The following ZDHHC14 variants were observed in gnomAD, a reference collection of about 807,000 sequenced individuals.
ZDHHC14 encodes the protein palmitoyltransferase ZDHHC14.
A neutral mutation model predicts 47.7 loss-of-function variants in ZDHHC14; 16 were observed. The ratio of observed to expected loss-of-function variants is 0.34; its 90% CI spans 0.23 to 0.51. ZDHHC14 has a LOEUF of 0.51. Ranked by LOEUF, ZDHHC14 falls within the 20% of genes least tolerant of loss-of-function variation. ZDHHC14 has a pLI of 0.97. For synonymous variants in ZDHHC14, 293 were observed against 278.9 expected, an observed-to-expected ratio of 1.05 and a Z score of -0.50; for missense variants, 515 against 662.5, an observed-to-expected ratio of 0.78 and a Z score of 2.44.
rs987306919 is a variant in ZDHHC14, at chr6:157,463,686, C to T, written c.246-78899C>T. ...TCAAGCTAAGCAGATGGTGCTGGCA[C>T]TTCGTCCCAATGTCTCCCCGCTTTA... is the stretch of plus-strand genomic sequence containing the variant. On this transcript the variant is annotated intron_variant, in intron 1 of 8. Coordinates refer to ENST00000359775, the MANE Select transcript of ZDHHC14 (RefSeq NM_024630.3). This position sits in a 1 kb window ranked among gnomAD's most constrained non-coding sequence, Gnocchi z 4.4. Among the ~76,000 whole-genome samples the T allele has an allele frequency of 6.6e-6, 1 of 152,206 alleles. No homozygotes were observed. Among genetic ancestry groups the T allele is most frequent in the African/African-American group, 2.4e-5 (1 of 41,444 alleles).
chr6:157,489,305 A>G (rs1400190923), intron 1 of ZDHHC14, among the ~76,000 whole-genome samples: 2 of 152,216 alleles, frequency 1.3e-5, no homozygotes, highest in Non-Finnish European at 2.9e-5. Context: ...CTCATGCGCA[A>G]TCACTTCCTT....
intron 7 of ZDHHC14, among the ~76,000 whole-genome samples, chr6:157,651,997 C>T (rs1042162610): frequency 6.6e-6 from 1 of 152,226 alleles, no homozygotes; most frequent in Non-Finnish European, 1.5e-5. Flanking sequence ...TTCTCCAAGA[C>T]AGCCTTCTCT....
intron 1 of ZDHHC14, among the ~76,000 whole-genome samples, chr6:157,447,329 G>T (rs952164753): frequency 6.6e-6 from 1 of 152,188 alleles, no homozygotes; most frequent in Non-Finnish European, 1.5e-5. Flanking sequence ...GTCAAGTGGG[G>T]GCACCTCCTA....
chr6:157,498,602 T>C (rs1003025986), intron 1 of ZDHHC14, among the ~76,000 whole-genome samples: 2 of 152,222 alleles, frequency 1.3e-5, no homozygotes, highest in Non-Finnish European at 2.9e-5. Context: ...TTATTATTTG[T>C]GGAAGGTCTT....
intron 8 of ZDHHC14, among the ~76,000 whole-genome samples, chr6:157,657,535 T>TAGAAATCTAGGATC (rs1778157350): frequency 6.6e-6 from 1 of 152,174 alleles, no homozygotes; most frequent in Non-Finnish European, 1.5e-5. Context: ...AGGCACATGA[T>TAGAAATCTAGGATC]ATGTGCACGA....
intron 1 of ZDHHC14, among the ~76,000 whole-genome samples, chr6:157,528,556 C>T (rs916192745): frequency 6.6e-6 from 1 of 151,900 alleles, no homozygotes; most frequent in Admixed American, 6.6e-5. Context: ...ATGGTGAAAC[C>T]CTGTCTCTAC....
chr6:157,584,100 C>T (rs1237092885), intron 2 of ZDHHC14, among the ~76,000 whole-genome samples: 1 of 151,812 alleles, frequency 6.6e-6, no homozygotes, highest in African/African-American at 2.4e-5. Context: ...GGCAGCAAGG[C>T]AGCACCCTTG....
chr6:157,413,126 A>G (rs1777904741), intron 1 of ZDHHC14, among the ~76,000 whole-genome samples: 1 of 152,188 alleles, frequency 6.6e-6, no homozygotes, highest in East Asian at 1.9e-4. Flanking sequence ...AGAAGCGTCT[A>G]AAGTGCCAAG....
intron 2 of ZDHHC14, among the ~76,000 whole-genome samples, chr6:157,562,043 G>T (rs981252987): frequency 6.6e-6 from 1 of 152,176 alleles, no homozygotes; most frequent in Non-Finnish European, 1.5e-5. Flanking sequence ...TAAACAAAAT[G>T]ATTTCAGTTC....
chr6:157,458,834 A>G (rs1394536987), intron 1 of ZDHHC14, among the ~76,000 whole-genome samples: 2 of 124,376 alleles, frequency 1.6e-5, no homozygotes, highest in Non-Finnish European at 3.6e-5. Flanking sequence ...TACAGGTACT[A>G]GCAAATGTGG....
intron 1 of ZDHHC14, chr6:157,529,182 A>T (rs1205614728): frequency 6.5e-6 from 1 of 154,788 alleles, no homozygotes; most frequent in African/African-American, 2.4e-5. Flanking sequence ...ACAGTTCCAC[A>T]CTGACACTGC....
intron 1 of ZDHHC14, among the ~76,000 whole-genome samples, chr6:157,460,786 T>C (rs1315746760): frequency 1.3e-5 from 2 of 152,182 alleles, no homozygotes; most frequent in Non-Finnish European, 2.9e-5. Context: ...CGTTTGCTTA[T>C]GGCTGGGGAT....
chr6:157,576,906 C>A lies in ZDHHC14; in HGVS notation c.407-16082C>A, dbSNP rs758052741. ...TATTTTGGGTTCAGGGGTACATGTG[C>A]AGGTTTCTTATACAGGTAAACCGCG... is the stretch of plus-strand genomic sequence containing the variant. On this transcript the variant is annotated intron_variant, in intron 2 of 8. Coordinates refer to ENST00000359775, the MANE Select transcript of ZDHHC14 (RefSeq NM_024630.3). Among the ~76,000 whole-genome samples, 35 of 152,150 alleles carry A rather than the reference C, an allele frequency of 2.3e-4. 1 individual carries two copies. The highest frequency in any genetic ancestry group is 7.3e-5 in the Non-Finnish European group (5 of 68,030).
chr6:157,618,050 C>T (rs1021343075), intron 3 of ZDHHC14, among the ~76,000 whole-genome samples: 3 of 152,120 alleles, frequency 2.0e-5, no homozygotes, highest in African/African-American at 4.8e-5. Context: ...GATGATAGCA[C>T]GAGTTTGTTT....
chr6:157,573,969 A>T (rs143814953), intron 2 of ZDHHC14, among the ~76,000 whole-genome samples: 5,663 of 149,294 alleles, frequency 0.038, 141 homozygotes, highest in Non-Finnish European at 0.056. Context: ...GTCGGGGGGG[A>T]AGTTCTTTGC....
At chr6:157,538,146 C>A (rs1857816) in intron 1 of ZDHHC14, among the ~76,000 whole-genome samples, 1 of 152,138 alleles carries the variant, frequency 6.6e-6, no homozygotes, top group Non-Finnish European at 1.5e-5. Flanking sequence ...GCTGGTGGAA[C>A]GGGACTGTCA....
chr6:157,563,307 G>A (rs937677027), intron 2 of ZDHHC14, among the ~76,000 whole-genome samples: 22 of 152,226 alleles, frequency 1.4e-4, no homozygotes, highest in African/African-American at 2.7e-4. Context: ...CTGCCTGGGC[G>A]TTAAGCGTGC....
At chr6:157,605,818 G>A (rs534983584) in intron 3 of ZDHHC14, among the ~76,000 whole-genome samples, 3 of 152,284 alleles carry the variant, frequency 2.0e-5, no homozygotes, top group Admixed American at 2.0e-4. Context: ...TGGGGGGTAG[G>A]GGGCACGCAG....
chr6:157,460,267 T>C (rs888029437), intron 1 of ZDHHC14, among the ~76,000 whole-genome samples: 2 of 148,494 alleles, frequency 1.3e-5, no homozygotes, highest in Non-Finnish European at 3.0e-5. Context: ...AGCATGGCGG[T>C]GTGCACCTGT....
Sources: gnomAD v4.1 joint callset for allele counts (sites outside exome capture counted in the v4.1 genomes callset) on GRCh38, gnomAD v4.1.1 for gene constraint, Gnocchi (gnomAD v3.1) non-coding constraint, MANE v1.5 for transcripts, NCBI Gene and HGNC (gene_info 2026-07-23, HGNC 2026-07-21) for gene names.